RUNX3: variants seen among roughly 807,000 people sequenced by gnomAD.
RUNX3 encodes the protein runt-related transcription factor 3.
RUNX3 carries 10 observed loss-of-function variants against 27.7 expected under a neutral mutation model. The ratio of observed to expected loss-of-function variants is 0.36; its 90% CI spans 0.22 to 0.61. The LOEUF (loss-of-function observed/expected upper bound fraction) is 0.61. RUNX3 is among the 20% of genes least tolerant of loss of function. The pLI, the probability that RUNX3 is intolerant of heterozygous loss-of-function variation, is 0.72. For missense variants in RUNX3, 469 were observed against 629.5 expected, an observed-to-expected ratio of 0.75 and a Z score of 2.73; for synonymous variants, 270 against 269.2, an observed-to-expected ratio of 1.00 and a Z score of -0.03.
chr1:24,927,610 A>G lies in RUNX3; in HGVS notation c.403T>C (p.Phe135Leu), dbSNP rs763795673. 1 of 1,614,060 alleles carries G rather than the reference A, an allele frequency of 6.2e-7. No homozygotes were observed. Among genetic ancestry groups the G allele is most frequent in the Non-Finnish European group, 8.5e-7 (1 of 1,180,012 alleles). ...CGGCCCACGAAGCGAAGGTCGTTGA[A>G]CCTGGCCACCTGGTTCTTCATGACG... is the stretch of plus-strand genomic sequence containing the variant. ...SAVMKNQVAR[F>L]NDLRFVGRSG... is the part of the protein sequence containing the mutation. Residue 135 changes from phenylalanine to leucine, a missense_variant, in exon 2 of 5, where the codon TTC becomes CTC. This residue lies in a region of RUNX3 where 75 missense variants were observed against 168.5 expected (regional missense o/e 0.45). Coordinates refer to ENST00000308873, the MANE Select transcript of RUNX3 (RefSeq NM_004350.3). The surrounding 1 kb of genome is among the most constrained non-coding windows in gnomAD (Gnocchi z 5.0).
At chr1:24,935,010 G>T (rs945311432), upstream of RUNX3, among the ~76,000 whole-genome samples, 7 of 152,198 alleles carry the variant, frequency 4.6e-5, no homozygotes, top group African/African-American at 1.7e-4. Context: ...GAACCAGTCT[G>T]CGAGGAGGCA....
Position 24,930,019 on chromosome 1 carries a change from C to T in RUNX3, c.-151G>A, listed in dbSNP as rs1641186311. ...GCCTCAGGGCGCAGGGGGCGGCGCC[C>T]GGCCACTACTCGCCAGGGCCCGCCC... On this transcript the variant is annotated 5_prime_UTR_variant, in exon 1 of 5. Transcript: ENST00000308873. The surrounding 1 kb of genome is among the most constrained non-coding windows in gnomAD (Gnocchi z 4.1). 4 of 1,105,820 alleles carry T rather than the reference C, an allele frequency of 3.6e-6. No individual in the cohort carries two copies. The highest frequency in any genetic ancestry group is 4.4e-6 in the Non-Finnish European group (4 of 909,612). The allele number at this position is 1,105,820 out of a possible 1,614,324, so 68.5% of individuals were successfully genotyped here.
Position 24,943,123 on chromosome 1 carries a change from A to G in RUNX3, c.59-13271T>C, listed in dbSNP as rs1347085184. ...GATCTTGCCCGGTGTTCCAGCCACC[A>G]GGCGGGACCAGCGCCGGGCAGACTG... is the stretch of plus-strand genomic sequence containing the variant. On this transcript the variant is annotated intron_variant, in intron 2 of 6. Coordinates refer to the RUNX3 transcript ENST00000338888. The surrounding 1 kb of genome is among the most constrained non-coding windows in gnomAD (Gnocchi z 4.6). 3.3e-5 allele frequency among the ~76,000 whole-genome samples: 5 copies of G among 152,236 alleles called. No homozygotes were observed. The highest frequency in any genetic ancestry group is 5.9e-5 in the Non-Finnish European group (4 of 68,032).
intron 2 of RUNX3, among the ~76,000 whole-genome samples, chr1:24,939,741 C>T (rs1641432257): frequency 6.6e-6 from 1 of 152,242 alleles, no homozygotes; most frequent in African/African-American, 2.4e-5. Flanking sequence ...TAACCCGCTC[C>T]CTCATTGTTC....
chr1:24,923,939 G>A lies in RUNX3; in HGVS notation c.439+3635C>T, dbSNP rs542820821. Among the ~76,000 whole-genome samples, 18 of 152,352 alleles carry A rather than the reference G, an allele frequency of 1.2e-4. No individual in the cohort carries two copies. In the South Asian group the frequency reaches 3.3e-3, roughly 28 times the overall value. On this transcript the variant is annotated intron_variant, in intron 2 of 4. Transcript: ENST00000308873. This position sits in a 1 kb window ranked among gnomAD's most constrained non-coding sequence, Gnocchi z 5.9. ...GCATTTTTGGGATTTGTGGTGGCGT[G>A]TGGTCAACATAGTGTTGGGGTGGCA...
intron 1 of RUNX3, 40 bp downstream of exon 1, chr1:24,929,547 C>G (rs1417434872): frequency 6.6e-7 from 1 of 1,524,886 alleles, no homozygotes; most frequent in Non-Finnish European, 8.7e-7. Flanking sequence ...CGCCCGGAGC[C>G]CCAGGGCCGG....
intron 2 of RUNX3, among the ~76,000 whole-genome samples, chr1:24,940,916 T>G (rs890388245): frequency 2.6e-5 from 4 of 152,220 alleles, no homozygotes; most frequent in Non-Finnish European, 5.9e-5. Flanking sequence ...TAAACAATAC[T>G]TATATTTTAT....
At chr1:24,921,400 C>T (rs1640998202) in intron 2 of RUNX3, among the ~76,000 whole-genome samples, 1 of 152,204 alleles carries the variant, frequency 6.6e-6, no homozygotes, top group Non-Finnish European at 1.5e-5. Flanking sequence ...CACTGAGTGT[C>T]ACTCCAGCTG....
At chr1:24,939,280 C>T (rs891965915) in intron 2 of RUNX3, among the ~76,000 whole-genome samples, 1 of 152,248 alleles carries the variant, frequency 6.6e-6, no homozygotes, top group East Asian at 1.9e-4. Flanking sequence ...GTCTCTCACA[C>T]ATTCACTGGC....
At chr1:24,964,886 A>C in exon 1 of RUNX3, 1 of 480,560 alleles carries the variant, frequency 2.1e-6, no homozygotes, top group Non-Finnish European at 3.6e-6. Context: ...ACAAATTCTC[A>C]ACAGAAGCGT....
chr1:24,946,170 G>A (rs916247920), intron 2 of RUNX3, among the ~76,000 whole-genome samples: 4 of 151,930 alleles, frequency 2.6e-5, no homozygotes, highest in East Asian at 3.8e-4. Flanking sequence ...ATCCTGAACC[G>A]CCCCCCATTC....
At chr1:24,937,803 C>T (rs137883049) in intron 2 of RUNX3, among the ~76,000 whole-genome samples, 1 of 152,336 alleles carries the variant, frequency 6.6e-6, no homozygotes, top group Non-Finnish European at 1.5e-5. Flanking sequence ...ATCCATAGGG[C>T]TGGGGATGGA....
intron 2 of RUNX3, chr1:24,961,953 C>G (rs1023982526): frequency 1.3e-5 from 2 of 152,158 alleles, no homozygotes; most frequent in Non-Finnish European, 2.9e-5. Context: ...ACCCGAGACC[C>G]GGATGGACCT....
At chr1:24,953,563 C>T (rs749161807) in intron 2 of RUNX3, among the ~76,000 whole-genome samples, 4 of 152,310 alleles carry the variant, frequency 2.6e-5, no homozygotes, top group East Asian at 1.9e-4. Context: ...TCGGGATTCA[C>T]GTGCCCCTGG....
Position 24,954,057 on chromosome 1 carries a change from C to T in RUNX3, c.58+10457G>A, listed in dbSNP as rs977013401. On this transcript the variant is annotated intron_variant, in intron 2 of 6. Transcript: ENST00000338888. ...CCTCCCAAAGTGTTGGGATTACAGG[C>T]GGGAGCCGCCATGCCCCAGCCTATT... 3.9e-5 allele frequency among the ~76,000 whole-genome samples: 6 copies of T among 152,324 alleles called. No individual in the cohort carries two copies. In the South Asian group the frequency reaches 6.2e-4, roughly 16 times the overall value.
chr1:24,960,668 G>A (rs955648739), intron 2 of RUNX3, among the ~76,000 whole-genome samples: 1 of 152,078 alleles, frequency 6.6e-6, no homozygotes, highest in African/African-American at 2.4e-5. Flanking sequence ...GACCTGGTGT[G>A]AGGGGGGGGT....
At chr1:24,954,329 T>A (rs1257530267) in intron 2 of RUNX3, among the ~76,000 whole-genome samples, 1 of 152,204 alleles carries the variant, frequency 6.6e-6, no homozygotes, top group East Asian at 1.9e-4. Context: ...TTCCCTAATG[T>A]TCTTACTGGT....
At chr1:24,945,260 G>T (rs1456751914) in intron 2 of RUNX3, among the ~76,000 whole-genome samples, 1 of 152,152 alleles carries the variant, frequency 6.6e-6, no homozygotes, top group Admixed American at 6.5e-5. Context: ...AATAATTTAG[G>T]AGTCTTGTAT....
At chr1:24,954,537 G>A (rs1407678156) in intron 2 of RUNX3, among the ~76,000 whole-genome samples, 1 of 152,134 alleles carries the variant, frequency 6.6e-6, no homozygotes. Context: ...TTCTGTGGTC[G>A]CTGTCCTGAA....
Sources: gnomAD v4.1 joint callset for allele counts (sites outside exome capture counted in the v4.1 genomes callset) on GRCh38, gnomAD v4.1.1 for gene constraint, gnomAD v4.1.1 regional missense constraint, Gnocchi (gnomAD v3.1) non-coding constraint, MANE v1.5 for transcripts, NCBI Gene and HGNC (gene_info 2026-07-23, HGNC 2026-07-21) for gene names.